BSN: variants seen among roughly 807,000 people sequenced by gnomAD.
BSN encodes the protein bassoon presynaptic cytomatrix protein.
BSN carries 57 observed loss-of-function variants against 264.8 expected under a neutral mutation model. The observed-to-expected ratio is 0.22, with a 90% CI of 0.17 to 0.27. The LOEUF (loss-of-function observed/expected upper bound fraction) is 0.27. Among genes scored for constraint, BSN ranks in the 10% least tolerant of loss-of-function variants. The probability of loss-of-function intolerance (pLI) is 1.00; values close to 1 mark genes in which losing one functional copy is unlikely to be tolerated. For missense variants in BSN, 4,615 were observed against 5,232.5 expected, an observed-to-expected ratio of 0.88 and a Z score of 3.64; for synonymous variants, 2,059 against 2,137.3, an observed-to-expected ratio of 0.96 and a Z score of 1.01.
intron 11 of BSN, among the ~76,000 whole-genome samples, chr3:49,667,003 A>G (rs2052718009): frequency 6.6e-6 from 1 of 152,208 alleles, no homozygotes; most frequent in Admixed American, 6.5e-5. Flanking sequence ...GGGACAGCCC[A>G]TGGCCTGGAT....
intron 1 of BSN, among the ~76,000 whole-genome samples, chr3:49,587,916 T>TCTTTTCTTTTCTTTC (rs2051948579): frequency 6.8e-6 from 1 of 148,044 alleles, no homozygotes; most frequent in Non-Finnish European, 1.5e-5. Context: ...TCTTTTCTTT[T>TCTTTTCTTTTCTTTC]CTTTTCTTTT....
At chr3:49,664,941 C>A in intron 10 of BSN, 88 bp downstream of exon 10, 1 of 991,712 alleles carries the variant, frequency 1.0e-6, no homozygotes, top group South Asian at 1.3e-5. Context: ...CGAAGGGGTC[C>A]TCTGGGAGGA....
At chr3:49,648,913 G>C (rs1384121317) in intron 3 of BSN, among the ~76,000 whole-genome samples, 1 of 152,248 alleles carries the variant, frequency 6.6e-6, no homozygotes, top group Non-Finnish European at 1.5e-5. Context: ...ATGAGGTTGG[G>C]CCTCGGGGAA....
At position 49,653,093 on chromosome 3, in the gene BSN, G is replaced by A. The variant is rs1388715337; in HGVS notation, c.3537G>A (p.Arg1179=). The A allele has an allele frequency of 6.2e-7, 1 of 1,613,454 alleles. No individual in the cohort carries two copies. Among genetic ancestry groups the A allele is most frequent in the African/African-American group, 1.3e-5 (1 of 74,922 alleles). The change falls in exon 5 of 12, where the codon CGG becomes CGA. Residue 1179 remains arginine, a synonymous_variant. Transcript: ENST00000296452. This position sits in a 1 kb window ranked among gnomAD's most constrained non-coding sequence, Gnocchi z 6.3. The part of the protein sequence containing the change: ...SGSSTTPSSG[R]PLKSAEEAYE... ...GCTCCACCACTCCCAGTTCCGGACGGCCGCTCAAGAGCGCTGAGGAGGCTT... is the reference window on the plus strand; with the variant it reads ...GCTCCACCACTCCCAGTTCCGGACGACCGCTCAAGAGCGCTGAGGAGGCTT...
intron 2 of BSN, among the ~76,000 whole-genome samples, chr3:49,628,419 G>A (rs1281412454): frequency 6.6e-6 from 1 of 152,254 alleles, no homozygotes; most frequent in African/African-American, 2.4e-5. Flanking sequence ...AGAAACAGCA[G>A]ATGAGATCTG....
At chr3:49,556,047 A>T (rs995798391) in intron 1 of BSN, among the ~76,000 whole-genome samples, 1 of 152,196 alleles carries the variant, frequency 6.6e-6, no homozygotes, top group Admixed American at 6.5e-5. Flanking sequence ...TGTCCATTTT[A>T]TACTAGCTAT....
chr3:49,601,127 T>G (rs144204592), intron 1 of BSN, among the ~76,000 whole-genome samples: 1 of 152,170 alleles, frequency 6.6e-6, no homozygotes, highest in Non-Finnish European at 1.5e-5. Flanking sequence ...GTGGTAGATA[T>G]CAGCTCTCTC....
chr3:49,665,802 G>A (rs937684345), intron 11 of BSN, among the ~76,000 whole-genome samples: 1 of 152,354 alleles, frequency 6.6e-6, no homozygotes, highest in East Asian at 1.9e-4. Flanking sequence ...ATAGAAGAGT[G>A]GAAGGAGTAG....
At position 49,668,722 on chromosome 3, in the gene BSN, G is replaced by A. The variant is rs2052730453; in HGVS notation, c.*1237G>A. 6.6e-6 allele frequency: 1 copy of A among 152,670 alleles called. No homozygotes were observed. Among genetic ancestry groups the A allele is most frequent in the African/African-American group, 2.4e-5 (1 of 41,448 alleles). 9.5% of individuals were successfully genotyped at this position (152,670 alleles called of 1,614,324 possible). On this transcript the variant is annotated 3_prime_UTR_variant, in exon 12 of 12. Coordinates refer to ENST00000296452, the MANE Select transcript of BSN (RefSeq NM_003458.4). The stretch of plus-strand genomic sequence containing the variant: ...CCAAGGGAAAGGCCCAGAGCCCTGT[G>A]CGGGGGAATGTGGCACTGTCTATCC...
chr3:49,594,032 G>C (rs1023162778), intron 1 of BSN, among the ~76,000 whole-genome samples: 3 of 151,966 alleles, frequency 2.0e-5, no homozygotes, highest in Admixed American at 2.0e-4. Context: ...TCGATCTCCT[G>C]ATCTGGCGAT....
At position 49,660,640 on chromosome 3, in the gene BSN, C is replaced by T; in HGVS notation, c.8795C>T (p.Thr2932Ile). The change falls in exon 6 of 12, where the codon ACT (threonine) becomes ATT (isoleucine). Residue 2932 changes from threonine (T) to isoleucine (I), a missense_variant. Physicochemically the swap from Thr to Ile is moderately conservative, Grantham distance 89. Around this residue, in one of 3 missense-constraint regions of BSN, gnomAD observed 3,415 missense variants for 3,866.4 expected, o/e 0.88. Coordinates refer to ENST00000296452, the MANE Select transcript of BSN (RefSeq NM_003458.4). This position sits in a 1 kb window ranked among gnomAD's most constrained non-coding sequence, Gnocchi z 7.1. ...LLQRGLTGPTTVPATKASLLR... is the reference protein window; with the variant it reads ...LLQRGLTGPTIVPATKASLLR... The stretch of plus-strand genomic sequence containing the variant: ...CAGCGAGGGCTGACGGGGCCCACCA[C>T]TGTCCCTGCTACCAAGGCCAGCCTG... 6.2e-7 allele frequency: 1 copy of T among 1,613,178 alleles called. No individual in the cohort carries two copies.
At chr3:49,558,837 C>T (rs2051692767) in intron 1 of BSN, among the ~76,000 whole-genome samples, 1 of 152,170 alleles carries the variant, frequency 6.6e-6, no homozygotes, top group Non-Finnish European at 1.5e-5. Flanking sequence ...CAGTTGCTCA[C>T]AGCATCATTA....
intron 1 of BSN, among the ~76,000 whole-genome samples, chr3:49,570,598 A>G (rs1178918233): frequency 6.6e-6 from 1 of 152,192 alleles, no homozygotes; most frequent in Non-Finnish European, 1.5e-5. Context: ...CCAAAGTTCC[A>G]GGGGCAGACG....
chr3:49,556,995 C>T (rs1200038311), intron 1 of BSN, among the ~76,000 whole-genome samples: 2 of 152,158 alleles, frequency 1.3e-5, no homozygotes, highest in African/African-American at 4.8e-5. Flanking sequence ...ACCTTGTCAT[C>T]CCAGGCTGAA....
intron 1 of BSN, among the ~76,000 whole-genome samples, chr3:49,623,996 ATTTC>A (rs2052322895): frequency 6.6e-6 from 1 of 152,002 alleles, no homozygotes; most frequent in African/African-American, 2.4e-5. Flanking sequence ...CACCCTAGGT[ATTTC>A]TTTCTTTTCT....
rs374514174 is a variant in BSN, at chr3:49,650,835, C to T, written c.1742C>T (p.Pro581Leu). The T allele has an allele frequency of 1.1e-4, 185 of 1,614,140 alleles. No homozygotes were observed. The highest frequency in any genetic ancestry group is 1.4e-4 in the Non-Finnish European group (169 of 1,179,988). Reference protein sequence around the residue: ...KASPLSTKASPLPSKASPQAK... With the variant: ...KASPLSTKASLLPSKASPQAK... ...AGCCCTCTATCCACCAAGGCCAGCC[C>T]TCTGCCCAGCAAGGCCAGCCCCCAG... is the stretch of plus-strand genomic sequence containing the variant. The change falls in exon 4 of 12, where the codon CCT (proline) becomes CTT (leucine). Residue 581 changes from proline (P) to leucine (L), a missense_variant. Physicochemically the swap from Pro to Leu is moderately conservative, Grantham distance 98. Coordinates refer to ENST00000296452, the MANE Select transcript of BSN (RefSeq NM_003458.4).
intron 1 of BSN, among the ~76,000 whole-genome samples, chr3:49,570,686 G>A (rs1221375409): frequency 2.0e-5 from 3 of 152,178 alleles, no homozygotes; most frequent in Non-Finnish European, 2.9e-5. Context: ...TGTTGAGTGA[G>A]GAAAGCAAAC....
At chr3:49,575,332 C>T (rs2051834969) in intron 1 of BSN, among the ~76,000 whole-genome samples, 1 of 150,570 alleles carries the variant, frequency 6.6e-6, no homozygotes, top group Non-Finnish European at 1.5e-5. Flanking sequence ...CTAACCTGGG[C>T]AAGAGAGTGA....
intron 2 of BSN, among the ~76,000 whole-genome samples, chr3:49,634,945 C>T (rs1461132340): frequency 6.6e-6 from 1 of 152,100 alleles, no homozygotes; most frequent in Non-Finnish European, 1.5e-5. Flanking sequence ...GCAGGGGTAG[C>T]GGGTGGGCTC....
Sources: allele counts gnomAD v4.1 joint callset (sites outside exome capture counted in the v4.1 genomes callset), GRCh38; gene constraint gnomAD v4.1.1; regional missense constraint gnomAD v4.1.1; non-coding constraint Gnocchi (gnomAD v3.1); transcripts MANE v1.5; gene names NCBI Gene and HGNC (gene_info 2026-07-23, HGNC 2026-07-21).